ZNF514: variants seen among roughly 807,000 people sequenced by gnomAD.
The protein encoded by ZNF514 is zinc finger protein 514.
In ZNF514, 12 loss-of-function variants were observed where a neutral mutation model predicts 9.7. The ratio of observed to expected loss-of-function variants is 1.24; its 90% CI spans 0.79 to 2.01. The LOEUF (loss-of-function observed/expected upper bound fraction) is 2.01. Ranked by LOEUF, ZNF514 falls within the 30% of genes most tolerant of loss-of-function variation. The pLI is 0.00. For synonymous variants in ZNF514, 158 were observed against 163.7 expected, an observed-to-expected ratio of 0.97 and a Z score of 0.27; for missense variants, 467 against 465.5, an observed-to-expected ratio of 1.00 and a Z score of -0.03.
intron 1 of ZNF514, 144 bp from the exon 2 acceptor site, chr2:95,157,583 G>T: frequency 2.5e-6 from 1 of 397,528 alleles, no homozygotes; most frequent in African/African-American, 2.1e-5. Flanking sequence ...GATCTGAGAG[G>T]CAGCTTCTAG....
At chr2:95,144,745 A>T (rs753213344), downstream of ZNF514, among the ~76,000 whole-genome samples, 1 of 152,226 alleles carries the variant, frequency 6.6e-6, no homozygotes, top group African/African-American at 2.4e-5. Flanking sequence ...CCAATTGATT[A>T]TAAGTAAAGG....
chr2:95,149,823 C>T lies in ZNF514; in HGVS notation c.662G>A (p.Arg221His), dbSNP rs142679894. ...KSFHFQSELR[R>H]HQRCHTGEKP... ...TTCTCCAGTGTGACATCGCTGATGG[C>T]GCCTAAGTTCTGACTGGAAGTGAAA... Residue 221 changes from arginine (R) to histidine (H), a missense_variant, in exon 5 of 5, where the codon CGC (arginine) becomes CAC (histidine). Coordinates refer to ENST00000295208, the MANE Select transcript of ZNF514 (RefSeq NM_032788.3). 101 of 1,614,062 alleles carry T rather than the reference C, an allele frequency of 6.3e-5. No homozygotes were observed. Among genetic ancestry groups the T allele is most frequent in the African/African-American group, 1.5e-4 (11 of 74,930 alleles).
At chr2:95,131,058 G>A in the ZNF514 span, among the ~76,000 whole-genome samples, 1 of 152,166 alleles carries the variant, frequency 6.6e-6, no homozygotes, top group African/African-American at 2.4e-5. Context: ...GGTTTCAGCC[G>A]GTCCCTCTGT....
the ZNF514 span, among the ~76,000 whole-genome samples, chr2:95,125,036 T>G: frequency 1.3e-5 from 2 of 149,740 alleles, no homozygotes; most frequent in East Asian, 4.1e-4. Flanking sequence ...TGTGCCACCA[T>G]GCCCAGCTAA....
intron 2 of ZNF514, chr2:95,155,781 A>C (rs1231550388): frequency 6.6e-6 from 1 of 152,234 alleles, no homozygotes; most frequent in Admixed American, 6.5e-5. Flanking sequence ...AGGCTTGGCC[A>C]CAGGACCTGC....
At chr2:95,126,413 G>GAAAGA in the ZNF514 span, among the ~76,000 whole-genome samples, 4 of 105,944 alleles carry the variant, frequency 3.8e-5, no homozygotes, top group African/African-American at 1.5e-4. Flanking sequence ...AGAAAGAAAG[G>GAAAGA]AAGAAAAAAA....
rs2104458784 is a variant in ZNF514 at position 95,145,848 on chromosome 2, C to T, written c.*3434G>A. Among the ~76,000 whole-genome samples the T allele has an allele frequency of 6.6e-6, 1 of 152,328 alleles. No homozygotes were observed. Among genetic ancestry groups the T allele is most frequent in the African/African-American group, 2.4e-5 (1 of 41,578 alleles). On this transcript the variant is annotated 3_prime_UTR_variant, in exon 5 of 5. Transcript: ENST00000295208. Reference sequence around the variant, plus strand: ...GTCAGTTTGAACCCAGTGTCCTGCCCTCCAAAAATCCTTTGCACTTCCTAC... The same window carrying T: ...GTCAGTTTGAACCCAGTGTCCTGCCTTCCAAAAATCCTTTGCACTTCCTAC...
chr2:95,157,320 C>T (rs1673714622), intron 2 of ZNF514, 31 bp downstream of exon 2: 1 of 1,261,428 alleles, frequency 7.9e-7, no homozygotes, highest in Non-Finnish European at 1.0e-6. Flanking sequence ...ATCGTTCAGG[C>T]ATTTGAGGAA....
chr2:95,152,700 C>G lies in ZNF514; in HGVS notation c.191G>C (p.Arg64Thr), dbSNP rs911245498. The change falls in exon 4 of 5, where the codon AGA becomes ACA. Residue 64 changes from arginine (R) to threonine (T), a missense_variant. Physicochemically the swap from Arg to Thr is moderately conservative, Grantham distance 71. Transcript: ENST00000295208. Reference protein sequence around the residue: ...EEGGEPFMVEREISTGAHSDW... With the variant: ...EEGGEPFMVETEISTGAHSDW... The stretch of plus-strand genomic sequence containing the variant: ...TGAGTGGGCTCCTGTTGAGATTTCT[C>G]TCTCCACCATGAAGGGCTCACCCCC... The G allele has an allele frequency of 3.7e-6, 6 of 1,614,170 alleles. No homozygotes were observed. The African/African-American group carries it at 8.0e-5, about 22-fold the overall frequency.
the ZNF514 span, among the ~76,000 whole-genome samples, chr2:95,131,087 C>T: frequency 1.3e-5 from 2 of 152,144 alleles, no homozygotes; most frequent in Non-Finnish European, 2.9e-5. Flanking sequence ...CCTGACTTCC[C>T]GCAATAGGAG....
At chr2:95,141,984 TTC>T (rs780292151), downstream of ZNF514, among the ~76,000 whole-genome samples, 29 of 152,302 alleles carry the variant, frequency 1.9e-4, no homozygotes, top group East Asian at 1.9e-4. Flanking sequence ...TCTGTAAAAA[TTC>T]TGTTTTGTTT....
chr2:95,138,280 A>T, the ZNF514 span, among the ~76,000 whole-genome samples: 1 of 152,222 alleles, frequency 6.6e-6, no homozygotes, highest in South Asian at 2.1e-4. Flanking sequence ...GAGAGGGTGG[A>T]AGAGTTTGGA....
intron 1 of ZNF514, chr2:95,159,004 G>A (rs1673763408): frequency 7.8e-7 from 1 of 1,280,130 alleles, no homozygotes; most frequent in South Asian, 1.2e-5. Flanking sequence ...AAGGAGCGGC[G>A]TCCTTTCACT....
Position 95,149,658 on chromosome 2 carries a change from A to G in ZNF514, c.827T>C (p.Val276Ala). ...GRAFSQSSSLVLHYRFHTGEK... is the reference protein window; with the variant it reads ...GRAFSQSSSLALHYRFHTGEK... ...TCCAGTGTGAAATCTATAGTGCAGA[A>G]CAAGAGACGAACTCTGGCTGAAGGC... The change falls in exon 5 of 5, where the codon GTT becomes GCT. Residue 276 changes from valine (V) to alanine (A), a missense_variant. Coordinates refer to ENST00000295208, the MANE Select transcript of ZNF514 (RefSeq NM_032788.3). 6.2e-7 allele frequency: 1 copy of G among 1,613,338 alleles called. No individual in the cohort carries two copies.
At chr2:95,140,051 G>C (rs559838819), downstream of ZNF514, among the ~76,000 whole-genome samples, 1 of 151,972 alleles carries the variant, frequency 6.6e-6, no homozygotes, top group Non-Finnish European at 1.5e-5. Flanking sequence ...AACACCACAC[G>C]TTCTCACTCA....
Position 95,145,917 on chromosome 2 carries a change from C to T in ZNF514, c.*3365G>A, listed in dbSNP as rs1359385326. On this transcript the variant is annotated 3_prime_UTR_variant, in exon 5 of 5. Transcript: ENST00000295208. ...CGTGTTTGGTAATGTCCTCTTTAGG[C>T]TGCCCCAACCTGCTGCTGCTCCTGA... Among the ~76,000 whole-genome samples, 2 of 152,218 alleles carry T rather than the reference C, an allele frequency of 1.3e-5. No individual in the cohort carries two copies. The highest frequency in any genetic ancestry group is 3.8e-4 in the East Asian group (2 of 5,196).
At chr2:95,158,692 C>T (rs1406616549) in intron 1 of ZNF514, among the ~76,000 whole-genome samples, 1 of 152,234 alleles carries the variant, frequency 6.6e-6, no homozygotes, top group African/African-American at 2.4e-5. Context: ...AGATCAGATC[C>T]TCTTCTGCTC....
chr2:95,151,694 CCAGT>C (rs1038494224), intron 4 of ZNF514, among the ~76,000 whole-genome samples: 7 of 152,290 alleles, frequency 4.6e-5, no homozygotes, highest in Admixed American at 2.0e-4. Flanking sequence ...GTCCCAGAGG[CCAGT>C]CAGAGAGTTT....
At chr2:95,131,826 TATTCAATGAA>T in the ZNF514 span, among the ~76,000 whole-genome samples, 1 of 152,218 alleles carries the variant, frequency 6.6e-6, no homozygotes, top group East Asian at 1.9e-4. Flanking sequence ...ATAAAACATT[TATTCAATGAA>T]AGACTCCATT....
Sources: gnomAD v4.1 joint callset for allele counts (sites outside exome capture counted in the v4.1 genomes callset) on GRCh38, gnomAD v4.1.1 for gene constraint, MANE v1.5 for transcripts, NCBI Gene and HGNC (gene_info 2026-07-23, HGNC 2026-07-21) for gene names.